SAMD5: variants seen among roughly 807,000 people sequenced by gnomAD.
SAMD5 encodes sterile alpha motif domain-containing protein 5.
SAMD5 carries 13 observed loss-of-function variants against 11.3 expected under a neutral mutation model. That is an observed-to-expected ratio of 1.15 (90% CI 0.75 to 1.83). SAMD5 has a LOEUF of 1.83. SAMD5 is among the 40% of genes most tolerant of loss of function. The probability of loss-of-function intolerance (pLI) is 0.00; values close to 1 mark genes in which losing one functional copy is unlikely to be tolerated. For missense variants in SAMD5, 255 were observed against 239.1 expected, an observed-to-expected ratio of 1.07 and a Z score of -0.44; for synonymous variants, 129 against 111.3, an observed-to-expected ratio of 1.16 and a Z score of -1.00.
At chr6:147,910,140 T>G in the SAMD5 span, among the ~76,000 whole-genome samples, 3 of 152,256 alleles carry the variant, frequency 2.0e-5, no homozygotes, top group East Asian at 5.8e-4. Context: ...GTTTTTTTAA[T>G]GTTCTCAATG....
At position 147,516,503 on chromosome 6, in the gene SAMD5, C is replaced by A. The variant is rs183440451; in HGVS notation, c.459+7116C>A. Reference sequence around the variant, plus strand: ...TTGTTATGGAGATGAGATGAGCTAACACTCATGAACTTATTAGATCGACGT... The same window carrying A: ...TTGTTATGGAGATGAGATGAGCTAAAACTCATGAACTTATTAGATCGACGT... On this transcript the variant is annotated intron_variant, in intron 1 of 1. Coordinates refer to ENST00000367474, the MANE Select transcript of SAMD5 (RefSeq NM_001030060.3). Among the ~76,000 whole-genome samples, 14 of 152,322 alleles carry A rather than the reference C, an allele frequency of 9.2e-5. No individual in the cohort carries two copies. In the East Asian group the frequency reaches 1.3e-3, roughly 15 times the overall value.
the SAMD5 span, among the ~76,000 whole-genome samples, chr6:147,919,475 T>A: frequency 6.6e-6 from 1 of 152,202 alleles, no homozygotes; most frequent in Non-Finnish European, 1.5e-5. Context: ...CAGGCCCCAC[T>A]GATTTATGAT....
the SAMD5 span, among the ~76,000 whole-genome samples, chr6:147,882,457 G>A: frequency 0.045 from 6,831 of 152,216 alleles, 187 homozygotes; most frequent in Non-Finnish European, 0.058. Context: ...ATGCACACCT[G>A]TAGTCCCAAC....
chr6:147,793,624 A>C, the SAMD5 span, among the ~76,000 whole-genome samples: 2 of 152,272 alleles, frequency 1.3e-5, no homozygotes, highest in African/African-American at 2.4e-5. Flanking sequence ...GAAGTAGTGG[A>C]ATGTGTAAGG....
chr6:147,604,668 C>T (rs1461063296), intron 1 of SAMD5, among the ~76,000 whole-genome samples: 1 of 152,142 alleles, frequency 6.6e-6, no homozygotes, highest in Non-Finnish European at 1.5e-5. Context: ...TTTTGATTCT[C>T]CAGCGCATTG....
the SAMD5 span, among the ~76,000 whole-genome samples, chr6:147,919,075 AGGGATG>A: frequency 1.3e-5 from 2 of 152,162 alleles, no homozygotes; most frequent in Non-Finnish European, 2.9e-5. Context: ...AATCCAATCT[AGGGATG>A]GGGAGTAACT....
chr6:147,621,690 G>A (rs561105934), intron 1 of SAMD5, among the ~76,000 whole-genome samples: 229 of 152,308 alleles, frequency 1.5e-3, no homozygotes, highest in Middle Eastern at 6.8e-3. Flanking sequence ...GAGAGCTGCC[G>A]AGGAGCAGCC....
intron 1 of SAMD5, among the ~76,000 whole-genome samples, chr6:147,594,628 AAGAC>A (rs1789503368): frequency 6.6e-6 from 1 of 152,162 alleles, no homozygotes; most frequent in African/African-American, 2.4e-5. Context: ...TCAAAGGAGA[AAGAC>A]AGACAGGAGG....
At chr6:147,544,852 T>C (rs762966062) in intron 1 of SAMD5, among the ~76,000 whole-genome samples, 2 of 152,230 alleles carry the variant, frequency 1.3e-5, no homozygotes, top group Non-Finnish European at 2.9e-5. Flanking sequence ...CTGTTACTTA[T>C]TGCTGTAGAC....
chr6:147,913,553 G>A, the SAMD5 span, among the ~76,000 whole-genome samples: 14 of 152,026 alleles, frequency 9.2e-5, no homozygotes, highest in African/African-American at 1.7e-4. Flanking sequence ...AAAATGAGCC[G>A]GGTGTGGTGG....
At chr6:147,950,958 T>C in the SAMD5 span, among the ~76,000 whole-genome samples, 1 of 151,282 alleles carries the variant, frequency 6.6e-6, no homozygotes, top group East Asian at 1.9e-4. Flanking sequence ...TACCTCATAT[T>C]CTAGACCTTT....
At chr6:147,915,163 A>C in the SAMD5 span, among the ~76,000 whole-genome samples, 2 of 152,218 alleles carry the variant, frequency 1.3e-5, no homozygotes, top group African/African-American at 4.8e-5. Context: ...AATACACAGA[A>C]GTTGATAGCT....
At chr6:147,931,191 A>G in the SAMD5 span, among the ~76,000 whole-genome samples, 8 of 152,306 alleles carry the variant, frequency 5.3e-5, no homozygotes, top group Admixed American at 5.2e-4. Flanking sequence ...TTTGTGAGAT[A>G]AAGTATAATA....
At chr6:147,871,767 T>G in the SAMD5 span, among the ~76,000 whole-genome samples, 1 of 152,194 alleles carries the variant, frequency 6.6e-6, no homozygotes, top group African/African-American at 2.4e-5. Flanking sequence ...CATGTTTGAT[T>G]ACACCGTTCA....
At chr6:147,923,810 G>A in the SAMD5 span, among the ~76,000 whole-genome samples, 1 of 152,200 alleles carries the variant, frequency 6.6e-6, no homozygotes, top group Non-Finnish European at 1.5e-5. Flanking sequence ...AGGGGCTGGA[G>A]AATCCTCAAG....
intron 1 of SAMD5, among the ~76,000 whole-genome samples, chr6:147,551,073 A>G (rs1357062829): frequency 6.6e-6 from 1 of 152,196 alleles, no homozygotes; most frequent in Admixed American, 6.5e-5. Context: ...GATAGCTGTC[A>G]TTCTGTAATA....
At chr6:147,615,465 T>C (rs6904802) in intron 1 of SAMD5, among the ~76,000 whole-genome samples, 27,080 of 152,112 alleles carry the variant, frequency 0.18, 4,923 homozygotes, top group African/African-American at 0.47. Flanking sequence ...ATTTGTCTCA[T>C]GCCTTTTGGG....
the SAMD5 span, among the ~76,000 whole-genome samples, chr6:147,842,253 G>T: frequency 3.3e-5 from 5 of 151,994 alleles, no homozygotes; most frequent in Non-Finnish European, 5.9e-5. Flanking sequence ...AACTAATCTG[G>T]AAGCATAAGG....
chr6:147,845,162 A>C, the SAMD5 span, among the ~76,000 whole-genome samples: 1 of 152,284 alleles, frequency 6.6e-6, no homozygotes, highest in East Asian at 1.9e-4. Context: ...TTTTTCCAAT[A>C]GGCTTTTCAA....
Sources: gnomAD v4.1 joint callset for allele counts (sites outside exome capture counted in the v4.1 genomes callset) on GRCh38, gnomAD v4.1.1 for gene constraint, MANE v1.5 for transcripts, NCBI Gene and HGNC (gene_info 2026-07-23, HGNC 2026-07-21) for gene names.